SLC25A36: variants seen among roughly 807,000 people sequenced by gnomAD.
SLC25A36 encodes epididymis secretory sperm binding protein.
A neutral mutation model predicts 35.3 loss-of-function variants in SLC25A36; 24 were observed. The observed-to-expected ratio is 0.68, with a 90% CI of 0.49 to 0.96. The LOEUF (loss-of-function observed/expected upper bound fraction) is 0.96. SLC25A36 is among the 40% of genes least tolerant of loss of function. The pLI is 0.00. For missense variants in SLC25A36, 294 were observed against 381.1 expected (o/e 0.77, Z 1.90); for synonymous variants, 141 against 132.2 (o/e 1.07, Z -0.46).
At chr3:140,942,167 G>T in intron 1 of SLC25A36, 72 bp downstream of exon 1, 1 of 169,362 alleles carries the variant, frequency 5.9e-6, no homozygotes, top group Non-Finnish European at 1.2e-5. Flanking sequence ...AGGGGGGCGA[G>T]GGGGGCCGAG....
At chr3:140,947,260 A>G (rs995960882) in intron 1 of SLC25A36, among the ~76,000 whole-genome samples, 11 of 152,202 alleles carry the variant, frequency 7.2e-5, no homozygotes, top group African/African-American at 2.7e-4. Flanking sequence ...GAGAGAAATT[A>G]GAGACAACAA....
intron 1 of SLC25A36, among the ~76,000 whole-genome samples, chr3:140,953,633 A>G (rs140485020): frequency 6.2e-4 from 95 of 152,274 alleles, no homozygotes; most frequent in African/African-American, 2.2e-3. Flanking sequence ...GACTTTTGGC[A>G]GATGTATAAA....
intron 6 of SLC25A36, among the ~76,000 whole-genome samples, 189 bp downstream of exon 6, chr3:140,974,194 A>G (rs1203944632): frequency 2.6e-5 from 4 of 152,160 alleles, no homozygotes; most frequent in Non-Finnish European, 5.9e-5. Flanking sequence ...ATCAAATAGC[A>G]TGGTGGTGAT....
intron 2 of SLC25A36, among the ~76,000 whole-genome samples, chr3:140,958,562 G>A (rs936298488): frequency 2.6e-5 from 4 of 152,044 alleles, no homozygotes; most frequent in Non-Finnish European, 4.4e-5. Context: ...GTATAGCAAC[G>A]GTTAACTGAG....
At chr3:140,944,750 C>T (rs1576474555) in intron 1 of SLC25A36, among the ~76,000 whole-genome samples, 1 of 152,154 alleles carries the variant, frequency 6.6e-6, no homozygotes, top group East Asian at 1.9e-4. Context: ...TGAGTAAAAT[C>T]AAAGATGATC....
At chr3:140,971,611 C>T (rs996676052) in intron 5 of SLC25A36, among the ~76,000 whole-genome samples, 1 of 152,114 alleles carries the variant, frequency 6.6e-6, no homozygotes, top group Non-Finnish European at 1.5e-5. Flanking sequence ...GCTGAGGAAC[C>T]AATCGGTGCA....
At chr3:140,947,194 C>T (rs754245816) in intron 1 of SLC25A36, among the ~76,000 whole-genome samples, 2 of 152,154 alleles carry the variant, frequency 1.3e-5, no homozygotes, top group Admixed American at 6.5e-5. Flanking sequence ...AATTGAGGAA[C>T]TTTGGTGACT....
intron 1 of SLC25A36, among the ~76,000 whole-genome samples, chr3:140,947,184 A>C (rs1934189111): frequency 6.6e-6 from 1 of 152,226 alleles, no homozygotes; most frequent in Admixed American, 6.5e-5. Flanking sequence ...CACTGAATTT[A>C]ATTGAGGAAC....
At chr3:140,947,553 ACT>A (rs1934200702) in intron 1 of SLC25A36, among the ~76,000 whole-genome samples, 1 of 152,168 alleles carries the variant, frequency 6.6e-6, no homozygotes, top group Non-Finnish European at 1.5e-5. Context: ...ACCAAAAAAC[ACT>A]CTAAATAGTA....
At chr3:140,958,135 A>G (rs1934524313) in intron 2 of SLC25A36, among the ~76,000 whole-genome samples, 1 of 152,172 alleles carries the variant, frequency 6.6e-6, no homozygotes, top group South Asian at 2.1e-4. Context: ...ATATCTGAGA[A>G]GTCTGGCTAC....
chr3:140,976,310 T>C lies in SLC25A36; in HGVS notation c.793T>C (p.Phe265Leu), dbSNP rs764910243. 7 of 1,613,104 alleles carry C rather than the reference T, an allele frequency of 4.3e-6. No homozygotes were observed. In the South Asian group the frequency reaches 7.7e-5, roughly 18 times the overall value. ...AGAGGGAACAAAATACAGATCTTTT[T>C]TTCAGACTCTATCTTTGCTTGTTCA... ...REEGTKYRSF[F>L]QTLSLLVQEE... The change falls in exon 7 of 7, where the codon TTT becomes CTT. Residue 265 changes from phenylalanine to leucine, a missense_variant. This residue lies in a region of SLC25A36 where 109 missense variants were observed against 179.7 expected (regional missense o/e 0.61). Transcript: ENST00000324194.
chr3:140,976,465 C>A lies in SLC25A36; in HGVS notation c.*12C>A, dbSNP rs16850948. The A allele has an allele frequency of 0.063, 100,262 of 1,584,928 alleles. 3,600 individuals are homozygous for A. The highest frequency in any genetic ancestry group is 0.1 in the South Asian group (8,910 of 86,440). On this transcript the variant is annotated 3_prime_UTR_variant, in exon 7 of 7. Coordinates refer to ENST00000324194, the MANE Select transcript of SLC25A36 (RefSeq NM_001104647.3). ...TACTCAATGGATAGCAGCACGAGGA[C>A]TGCTGTACTGCAAAAAAAGAAGACC... is the stretch of plus-strand genomic sequence containing the variant.
intron 2 of SLC25A36, chr3:140,956,973 G>C (rs1172889084): frequency 3.5e-6 from 1 of 289,592 alleles, no homozygotes; most frequent in African/African-American, 2.2e-5. Context: ...TTTTATTTTG[G>C]ATTATTCATT....
intron 1 of SLC25A36, among the ~76,000 whole-genome samples, chr3:140,947,882 G>A (rs1415217638): frequency 6.6e-6 from 1 of 152,192 alleles, no homozygotes; most frequent in Non-Finnish European, 1.5e-5. Flanking sequence ...TGTACTACCA[G>A]AGAAACAATT....
At chr3:140,975,126 T>TTTTTTTTTTTTTTTTTTTTTTTTTTC (rs1935008780) in intron 6 of SLC25A36, among the ~76,000 whole-genome samples, 1 of 121,102 alleles carries the variant, frequency 8.3e-6, no homozygotes, top group Non-Finnish European at 1.6e-5. Flanking sequence ...TTTTTTTTTT[T>TTTTTTTTTTTTTTTTTTTTTTTTTTC]TGATAGGATC....
At chr3:140,942,853 T>C (rs1269871533) in intron 1 of SLC25A36, 3 of 152,216 alleles carry the variant, frequency 2.0e-5, no homozygotes, top group Non-Finnish European at 4.4e-5. Context: ...GTGAATGGGG[T>C]GCAAAGCTTT....
intron 4 of SLC25A36, among the ~76,000 whole-genome samples, chr3:140,966,600 T>G (rs1400142516): frequency 6.6e-6 from 1 of 151,620 alleles, no homozygotes; most frequent in Non-Finnish European, 1.5e-5. Context: ...TTATAATAGA[T>G]AATAGTGGTA....
Position 140,980,694 on chromosome 3 carries a change from G to GCCCCC in SLC25A36, c.*4248_*4252dup, listed in dbSNP as rs3215276. 3.2e-5 allele frequency among the ~76,000 whole-genome samples: 3 copies of GCCCCC among 93,644 alleles called. No homozygotes were observed. The highest frequency in any genetic ancestry group is 1.2e-4 in the African/African-American group (3 of 24,690). The allele number at this position is 93,644 out of a possible 152,430, so 61.4% of individuals were successfully genotyped here. A position where few individuals can be genotyped will look rare whatever the true frequency, so the allele number is the denominator to read the frequency against. On this transcript the variant is annotated 3_prime_UTR_variant, in exon 7 of 7. Coordinates refer to ENST00000324194, the MANE Select transcript of SLC25A36 (RefSeq NM_001104647.3). ...CAAAATGTAATTAAATGTTCCCCCT[G>GCCCCC]CCCCCCCCCCCTTTTAATATATATA...
chr3:140,967,158 A>G (rs1346081575), intron 4 of SLC25A36: 8 of 437,854 alleles, frequency 1.8e-5, no homozygotes, highest in Admixed American at 1.7e-4. Flanking sequence ...TTGTGTGTGC[A>G]TTGCTAAGTC....
Sources: allele counts gnomAD v4.1 joint callset (sites outside exome capture counted in the v4.1 genomes callset), GRCh38; gene constraint gnomAD v4.1.1; regional missense constraint gnomAD v4.1.1; transcripts MANE v1.5; gene names NCBI Gene and HGNC (gene_info 2026-07-23, HGNC 2026-07-21).